Variants in CSMD1 observed in about 807,000 individuals in gnomAD.
The protein encoded by CSMD1 is CUB and sushi domain-containing protein 1.
CSMD1 carries 213 observed loss-of-function variants against 417.5 expected under a neutral mutation model. The ratio of observed to expected loss-of-function variants is 0.51; its 90% CI spans 0.46 to 0.57. CSMD1 has a LOEUF of 0.57. Ranked by LOEUF, CSMD1 falls within the 20% of genes least tolerant of loss-of-function variation. The probability of loss-of-function intolerance (pLI) is 0.00; values close to 1 mark genes in which losing one functional copy is unlikely to be tolerated. For synonymous variants in CSMD1, 2,862 were observed against 1,736.8 expected (o/e 1.65, Z -16.11); for missense variants, 6,923 against 4,529.7 (o/e 1.53, Z -15.17).
At position 3,996,841 on chromosome 8, in the gene CSMD1, G is replaced by C. The variant is rs528122026; in HGVS notation, c.818+1062C>G. On this transcript the variant is annotated intron_variant, in intron 5 of 69. Transcript: ENST00000635120. ...ATAGGAATCATCAGCATTGAGCCTT[G>C]TGATTTGGAAAACAAAGTGCAACTC... Among the ~76,000 whole-genome samples, 112 of 152,314 alleles carry C rather than the reference G, an allele frequency of 7.4e-4. No homozygotes were observed. In the Middle Eastern group the frequency reaches 0.01, roughly 14 times the overall value.
intron 3 of CSMD1, among the ~76,000 whole-genome samples, chr8:4,310,082 C>G (rs945388263): frequency 2.6e-5 from 4 of 152,176 alleles, no homozygotes; most frequent in African/African-American, 9.7e-5. Context: ...CTAAGGTCTG[C>G]AATTATCACC....
intron 23 of CSMD1, among the ~76,000 whole-genome samples, chr8:3,316,631 G>T (rs960077161): frequency 6.6e-6 from 1 of 152,120 alleles, no homozygotes. Context: ...ATGGCAGTTG[G>T]GAACACCAAT....
At chr8:3,879,581 A>C (rs1254197228) in intron 5 of CSMD1, among the ~76,000 whole-genome samples, 9 of 152,220 alleles carry the variant, frequency 5.9e-5, no homozygotes, top group Non-Finnish European at 8.8e-5. Context: ...CTTAACAATC[A>C]CATAGCTATC....
chr8:4,110,504 T>A (rs993173407), intron 3 of CSMD1, among the ~76,000 whole-genome samples: 2 of 152,180 alleles, frequency 1.3e-5, no homozygotes, highest in Non-Finnish European at 2.9e-5. Flanking sequence ...TATATTATTT[T>A]CCCCTAGCGT....
intron 1 of CSMD1, among the ~76,000 whole-genome samples, chr8:4,648,334 G>C (rs1803668605): frequency 1.3e-5 from 2 of 152,158 alleles, no homozygotes; most frequent in East Asian, 1.9e-4. Flanking sequence ...AGTCACTTAG[G>C]ATATAATGAC....
chr8:4,255,374 G>A (rs563537529), intron 3 of CSMD1, among the ~76,000 whole-genome samples: 34 of 152,248 alleles, frequency 2.2e-4, no homozygotes, highest in African/African-American at 7.2e-4. Flanking sequence ...AGAGAAAGGT[G>A]ACTGAGCAAA....
chr8:4,623,247 T>C (rs765129412), intron 2 of CSMD1, among the ~76,000 whole-genome samples: 9 of 152,086 alleles, frequency 5.9e-5, no homozygotes, highest in Non-Finnish European at 1.0e-4. Flanking sequence ...ATACTAATAT[T>C]ATTGGTCATC....
At chr8:3,400,938 G>C (rs150479977) in intron 15 of CSMD1, among the ~76,000 whole-genome samples, 2 of 90,778 alleles carry the variant, frequency 2.2e-5, no homozygotes, top group African/African-American at 8.6e-5. Context: ...TTGATTTTTT[G>C]TGATAATTTT....
chr8:3,645,540 T>G (rs1797532403), intron 7 of CSMD1, among the ~76,000 whole-genome samples: 1 of 152,138 alleles, frequency 6.6e-6, no homozygotes, highest in Non-Finnish European at 1.5e-5. Flanking sequence ...GAGGTGAAGC[T>G]GCAGGAGAGA....
At chr8:3,963,943 A>T (rs1812503263) in intron 5 of CSMD1, among the ~76,000 whole-genome samples, 1 of 152,220 alleles carries the variant, frequency 6.6e-6, no homozygotes, top group Admixed American at 6.5e-5. Flanking sequence ...GAAGAAAAAG[A>T]AGAAAAAGTT....
intron 10 of CSMD1, among the ~76,000 whole-genome samples, chr8:3,513,581 T>C (rs1797167274): frequency 6.6e-6 from 1 of 152,200 alleles, no homozygotes; most frequent in South Asian, 2.1e-4. Flanking sequence ...TCCTGATTAA[T>C]ACACTAATCC....
At chr8:3,468,406 C>G (rs4875713) in intron 12 of CSMD1, among the ~76,000 whole-genome samples, 12,800 of 152,144 alleles carry the variant, frequency 0.084, 612 homozygotes, top group East Asian at 0.19. Flanking sequence ...GAGACACCAG[C>G]CAATATGATA....
At chr8:4,161,975 C>G (rs527771406) in intron 3 of CSMD1, among the ~76,000 whole-genome samples, 8 of 152,066 alleles carry the variant, frequency 5.3e-5, no homozygotes, top group Admixed American at 1.3e-4. Flanking sequence ...AAATTAATTT[C>G]TTTATGGTGG....
intron 1 of CSMD1, among the ~76,000 whole-genome samples, chr8:4,826,536 C>A (rs754980080): frequency 3.9e-5 from 6 of 152,030 alleles, no homozygotes; most frequent in Admixed American, 6.6e-5. Context: ...AATTTTGTTA[C>A]GTGTCTATAA....
chr8:4,410,891 A>T (rs546862611), intron 3 of CSMD1, among the ~76,000 whole-genome samples: 12 of 152,220 alleles, frequency 7.9e-5, no homozygotes, highest in Non-Finnish European at 1.8e-4. Context: ...CTTAGAGGTT[A>T]TAAGTTCAAT....
intron 7 of CSMD1, among the ~76,000 whole-genome samples, chr8:3,625,143 T>C (rs1176140219): frequency 2.0e-5 from 3 of 152,244 alleles, no homozygotes; most frequent in East Asian, 1.9e-4. Flanking sequence ...TTTTCTCTCA[T>C]AGTAGTAAAC....
At chr8:3,185,542 C>G (rs995074042) in intron 36 of CSMD1, among the ~76,000 whole-genome samples, 1 of 152,156 alleles carries the variant, frequency 6.6e-6, no homozygotes, top group East Asian at 1.9e-4. Flanking sequence ...ATATTTAATA[C>G]TCTCTTTTGA....
rs549694327 is a variant in CSMD1, at chr8:4,065,859, G to C, written c.416-33760C>G. Among the ~76,000 whole-genome samples the C allele has an allele frequency of 6.6e-5, 10 of 152,286 alleles. No individual in the cohort carries two copies. In the South Asian group the frequency reaches 1.9e-3, roughly 28 times the overall value. ...ATATTTTAAAACACACACACCCAAA[G>C]TTTTCCTTCACTGTCTTCCATAAGA... On this transcript the variant is annotated intron_variant, in intron 3 of 69. Transcript: ENST00000635120.
At position 3,096,828 on chromosome 8, in the gene CSMD1, A is replaced by G. The variant is rs368267827; in HGVS notation, c.7138+21T>C. On this transcript the variant is annotated intron_variant, in intron 47 of 69. Transcript: ENST00000635120. ...TCAATGATGCCGAGGTCACTGCTCT[A>G]CAAAGATTAAAGAAACTTACCATCA... 4 of 1,502,770 alleles carry G rather than the reference A, an allele frequency of 2.7e-6. No homozygotes were observed. In the East Asian group the frequency reaches 9.9e-5, roughly 37 times the overall value. The allele number at this position is 1,502,770 out of a possible 1,614,324, so 93.1% of individuals were successfully genotyped here.
Sources: gnomAD v4.1 joint callset for allele counts (sites outside exome capture counted in the v4.1 genomes callset) on GRCh38, gnomAD v4.1.1 for gene constraint, MANE v1.5 for transcripts, NCBI Gene and HGNC (gene_info 2026-07-23, HGNC 2026-07-21) for gene names.